PRKCB: variants seen among roughly 807,000 people sequenced by gnomAD.
PRKCB encodes protein kinase C beta, also known as protein kinase C beta type.
In PRKCB, 13 loss-of-function variants were observed where a neutral mutation model predicts 81.5. That is an observed-to-expected ratio of 0.16 (90% CI 0.10 to 0.25). The LOEUF (loss-of-function observed/expected upper bound fraction) is 0.25, where lower values mean the gene tolerates loss of function less well. Among genes scored for constraint, PRKCB ranks in the 10% least tolerant of loss-of-function variants. The pLI is 1.00. For synonymous variants in PRKCB, 335 were observed against 321.4 expected, an observed-to-expected ratio of 1.04 and a Z score of -0.45; for missense variants, 509 against 875.7, an observed-to-expected ratio of 0.58 and a Z score of 5.29.
rs183506969 is a variant in PRKCB, at chr16:23,913,494, C to T, written c.206-75014C>T. Among the ~76,000 whole-genome samples, 6 of 152,302 alleles carry T rather than the reference C, an allele frequency of 3.9e-5. No homozygotes were observed. The East Asian group carries it at 1.2e-3, about 29-fold the overall frequency. ...ATTGGGTGAAAAGGCAGACCTGGAG[C>T]TCTGAACTTCAGCTTCCCCTTCTTC... On this transcript the variant is annotated intron_variant, in intron 2 of 16. Transcript: ENST00000643927.
chr16:23,858,900 G>A (rs940843097), intron 2 of PRKCB, among the ~76,000 whole-genome samples: 3 of 152,116 alleles, frequency 2.0e-5, no homozygotes, highest in Non-Finnish European at 4.4e-5. Context: ...ACTTCATGAA[G>A]TGACTGAGGC....
chr16:24,195,380 A>T lies in PRKCB; in HGVS notation c.1863+4150A>T, dbSNP rs1047244229. On this transcript the variant is annotated intron_variant, in intron 16 of 16. Transcript: ENST00000643927. The stretch of plus-strand genomic sequence containing the variant: ...CAAAAGGCCCATGGTGAGCGTGTGC[A>T]GAGTTCCATGTGCCTTGTGGGATGT... Among the ~76,000 whole-genome samples, 4 of 152,148 alleles carry T rather than the reference A, an allele frequency of 2.6e-5. No homozygotes were observed. In the East Asian group the frequency reaches 7.7e-4, roughly 29 times the overall value.
intron 3 of PRKCB, among the ~76,000 whole-genome samples, chr16:23,995,475 A>G (rs1964943325): frequency 6.6e-6 from 1 of 152,236 alleles, no homozygotes; most frequent in Non-Finnish European, 1.5e-5. Context: ...TAGTCCTGCC[A>G]TAATCCACAG....
chr16:23,981,556 G>A (rs2141814075), intron 2 of PRKCB, among the ~76,000 whole-genome samples: 1 of 151,402 alleles, frequency 6.6e-6, no homozygotes, highest in Middle Eastern at 3.4e-3. Context: ...CTGGCAGGTG[G>A]CCTTTCTTCT....
intron 3 of PRKCB, among the ~76,000 whole-genome samples, chr16:24,029,636 C>T (rs1292004707): frequency 6.7e-6 from 1 of 149,478 alleles, no homozygotes; most frequent in African/African-American, 2.5e-5. Flanking sequence ...TTGAAAAGAA[C>T]AGTTTCCTTA....
intron 5 of PRKCB, among the ~76,000 whole-genome samples, chr16:24,036,818 C>A (rs1965627940): frequency 6.6e-6 from 1 of 152,096 alleles, no homozygotes; most frequent in Non-Finnish European, 1.5e-5. Flanking sequence ...ATTGAGGTTC[C>A]CGATGCTGGT....
intron 2 of PRKCB, among the ~76,000 whole-genome samples, chr16:23,981,258 C>G (rs1964698180): frequency 6.6e-6 from 1 of 152,020 alleles, no homozygotes; most frequent in Non-Finnish European, 1.5e-5. Context: ...GGCTTGCGTT[C>G]CCTTCCAGAA....
At chr16:23,883,712 A>AGAG (rs1403172580) in intron 2 of PRKCB, among the ~76,000 whole-genome samples, 2 of 152,258 alleles carry the variant, frequency 1.3e-5, no homozygotes, top group East Asian at 3.9e-4. Flanking sequence ...ACTTACTGGT[A>AGAG]AATGGGATAT....
At chr16:23,929,082 A>G (rs1963936703) in intron 2 of PRKCB, among the ~76,000 whole-genome samples, 4 of 151,940 alleles carry the variant, frequency 2.6e-5, no homozygotes, top group Admixed American at 2.6e-4. Flanking sequence ...AGTTTTGGAG[A>G]TGGGGAAGGG....
chr16:23,898,481 G>A (rs1462784944), intron 2 of PRKCB, among the ~76,000 whole-genome samples: 1 of 152,096 alleles, frequency 6.6e-6, no homozygotes, highest in Non-Finnish European at 1.5e-5. Context: ...CTAGTAGGGA[G>A]ACAGACAAGC....
chr16:23,983,285 GA>G (rs779514857), intron 2 of PRKCB, among the ~76,000 whole-genome samples: 16 of 152,176 alleles, frequency 1.1e-4, no homozygotes, highest in Non-Finnish European at 1.9e-4. Context: ...CAACTTTTCA[GA>G]AACACACTGT....
chr16:23,988,480 C>A, intron 2 of PRKCB, 28 bp from the exon 3 acceptor site: 1 of 1,599,380 alleles, frequency 6.3e-7, no homozygotes, highest in East Asian at 2.2e-5. Flanking sequence ...TTCTTCCCTT[C>A]CTCCCACCCT....
At chr16:23,952,650 G>A (rs1964299116) in intron 2 of PRKCB, among the ~76,000 whole-genome samples, 1 of 152,162 alleles carries the variant, frequency 6.6e-6, no homozygotes, top group South Asian at 2.1e-4. Context: ...GTTCCCTGGT[G>A]TCCCTGTTGC....
At chr16:23,900,621 C>A (rs1426585552) in intron 2 of PRKCB, among the ~76,000 whole-genome samples, 2 of 149,950 alleles carry the variant, frequency 1.3e-5, no homozygotes, top group Non-Finnish European at 3.0e-5. Flanking sequence ...TATTTTTTTC[C>A]TTGTTGCCTT....
chr16:24,054,161 G>A (rs1965877209), intron 5 of PRKCB, among the ~76,000 whole-genome samples: 1 of 151,980 alleles, frequency 6.6e-6, no homozygotes, highest in Non-Finnish European at 1.5e-5. Context: ...TTTTATAATA[G>A]AGATGGGATC....
At chr16:24,130,943 G>A (rs968278781) in intron 9 of PRKCB, among the ~76,000 whole-genome samples, 3 of 152,116 alleles carry the variant, frequency 2.0e-5, no homozygotes, top group Admixed American at 6.5e-5. Flanking sequence ...AATTTTTCAC[G>A]GTGACACACA....
intron 3 of PRKCB, among the ~76,000 whole-genome samples, chr16:23,998,673 A>T (rs1470675279): frequency 6.6e-6 from 1 of 152,248 alleles, no homozygotes; most frequent in Non-Finnish European, 1.5e-5. Flanking sequence ...CTGTAAAAGC[A>T]CTTAGGACAG....
intron 3 of PRKCB, among the ~76,000 whole-genome samples, chr16:24,010,298 T>A (rs1306656154): frequency 6.6e-6 from 1 of 152,196 alleles, no homozygotes; most frequent in East Asian, 1.9e-4. Context: ...TTTTCCCATT[T>A]TTTTCCAGAG....
chr16:24,172,416 G>A, intron 11 of PRKCB, 55 bp downstream of exon 11: 1 of 1,497,322 alleles, frequency 6.7e-7, no homozygotes, highest in Non-Finnish European at 9.2e-7. Context: ...TAGGTTAGTG[G>A]TTCCTTTGAG....
Sources: allele counts gnomAD v4.1 joint callset (sites outside exome capture counted in the v4.1 genomes callset), GRCh38; gene constraint gnomAD v4.1.1; transcripts MANE v1.5; gene names NCBI Gene and HGNC (gene_info 2026-07-23, HGNC 2026-07-21).